ROBO2: variants seen among roughly 807,000 people sequenced by gnomAD.
ROBO2 encodes roundabout homolog 2.
A neutral mutation model predicts 160.8 loss-of-function variants in ROBO2; 53 were observed. The observed-to-expected ratio is 0.33, with a 90% CI of 0.26 to 0.41. ROBO2 has a LOEUF of 0.41. Among genes scored for constraint, ROBO2 ranks in the 10% least tolerant of loss-of-function variants. The pLI is 1.00. For missense variants in ROBO2, 1,577 were observed against 1,722.4 expected (o/e 0.92, Z 1.49); for synonymous variants, 664 against 611.7 (o/e 1.09, Z -1.26).
intron 2 of ROBO2, among the ~76,000 whole-genome samples, chr3:77,189,785 T>C (rs1472781981): frequency 6.6e-6 from 1 of 151,930 alleles, no homozygotes; most frequent in Non-Finnish European, 1.5e-5. Flanking sequence ...TTAATATTTA[T>C]TGAATGCTTT....
At chr3:77,316,693 A>T (rs2064029287) in intron 2 of ROBO2, 6 of 767,724 alleles carry the variant, frequency 7.8e-6, no homozygotes, top group Non-Finnish European at 1.4e-5. Flanking sequence ...AGGTACACTA[A>T]ATTCTGAAGG....
chr3:77,603,451 T>C (rs2094469087), intron 20 of ROBO2, among the ~76,000 whole-genome samples: 1 of 152,294 alleles, frequency 6.6e-6, no homozygotes, highest in East Asian at 1.9e-4. Flanking sequence ...ATATCATTGA[T>C]GTGACCTCCT....
chr3:77,326,134 T>C (rs1387048802), intron 2 of ROBO2, among the ~76,000 whole-genome samples: 1 of 152,220 alleles, frequency 6.6e-6, no homozygotes, highest in Non-Finnish European at 1.5e-5. Flanking sequence ...ATAGCTTTTC[T>C]GGAGTAACCG....
At chr3:76,105,003 A>G (rs1399699566) in intron 2 of ROBO2, among the ~76,000 whole-genome samples, 3 of 152,300 alleles carry the variant, frequency 2.0e-5, no homozygotes, top group East Asian at 3.9e-4. Context: ...TTGATTCTCT[A>G]TGATTTATTT....
At chr3:76,108,566 A>G (rs1576892377) in intron 2 of ROBO2, among the ~76,000 whole-genome samples, 6 of 151,936 alleles carry the variant, frequency 3.9e-5, no homozygotes, top group Admixed American at 3.9e-4. Flanking sequence ...TATACTATGG[A>G]TACTTTTCCC....
At chr3:76,524,252 A>G (rs1429780555) in intron 2 of ROBO2, among the ~76,000 whole-genome samples, 2 of 151,988 alleles carry the variant, frequency 1.3e-5, no homozygotes, top group African/African-American at 4.8e-5. Flanking sequence ...AGTGCACAAA[A>G]TATCCTCTAT....
chr3:76,126,849 G>A (rs915063459), intron 2 of ROBO2, among the ~76,000 whole-genome samples: 1 of 151,994 alleles, frequency 6.6e-6, no homozygotes, highest in Non-Finnish European at 1.5e-5. Flanking sequence ...TTAGTACCTG[G>A]AATGGTTGAA....
chr3:77,640,096 C>CTTTTTTTTTTTTTTTTTT lies in ROBO2; in HGVS notation c.3935-4608_3935-4607insTTTTTTTTTTTTTTTTTT, dbSNP rs1559785171. 1.1e-4 allele frequency among the ~76,000 whole-genome samples: 11 copies of CTTTTTTTTTTTTTTTTTT among 97,472 alleles called. 2 individuals are homozygous for CTTTTTTTTTTTTTTTTTT. The highest frequency in any genetic ancestry group is 1.2e-4 in the Admixed American group (1 of 8,336). The allele number at this position is 97,472 out of a possible 152,430, so 63.9% of individuals were successfully genotyped here. A position where few individuals can be genotyped will look rare whatever the true frequency, so the allele number is the denominator to read the frequency against. Reference sequence around the variant, plus strand: ...GAGAGAAGAAACACTGCAGAGGAAGCATTTTTTTTTTTTTTTTTTTTTTTT... The same window carrying CTTTTTTTTTTTTTTTTTT: ...GAGAGAAGAAACACTGCAGAGGAAGCTTTTTTTTTTTTTTTTTTATTTTTTTTTTTTTTTTTTTTTTTT... On this transcript the variant is annotated intron_variant, in intron 24 of 25. Transcript: ENST00000461745.
intron 2 of ROBO2, among the ~76,000 whole-genome samples, chr3:76,596,181 T>C (rs772989735): frequency 2.6e-5 from 4 of 152,166 alleles, no homozygotes; most frequent in Admixed American, 6.6e-5. Context: ...AAAAAACTTC[T>C]TGCATTGATT....
intron 6 of ROBO2, among the ~76,000 whole-genome samples, chr3:77,540,619 C>T (rs1245252680): frequency 2.6e-5 from 4 of 152,146 alleles, no homozygotes; most frequent in African/African-American, 4.8e-5. Flanking sequence ...AAAGAGCTAA[C>T]GCATGCTGCG....
chr3:77,267,130 A>G (rs756922734), intron 2 of ROBO2, among the ~76,000 whole-genome samples: 7 of 152,204 alleles, frequency 4.6e-5, no homozygotes, highest in African/African-American at 1.7e-4. Context: ...GGATTATTCA[A>G]TGATGTTAAC....
intron 1 of ROBO2, among the ~76,000 whole-genome samples, chr3:75,911,760 G>T (rs1351480781): frequency 6.6e-6 from 1 of 151,584 alleles, no homozygotes; most frequent in Admixed American, 6.6e-5. Flanking sequence ...GTTTCACCGT[G>T]TTAGCCAGGA....
chr3:77,511,289 T>C (rs2089360970), intron 5 of ROBO2, among the ~76,000 whole-genome samples: 1 of 151,894 alleles, frequency 6.6e-6, no homozygotes, highest in Non-Finnish European at 1.5e-5. Context: ...CAGGCTACAC[T>C]GGTTAAAACT....
intron 6 of ROBO2, among the ~76,000 whole-genome samples, chr3:77,526,583 T>A (rs1365917960): frequency 1.3e-5 from 2 of 151,594 alleles, no homozygotes; most frequent in African/African-American, 4.8e-5. Flanking sequence ...AGCGTGTTAT[T>A]CATTTTTAAA....
At chr3:76,030,266 G>A (rs2066875635) in intron 2 of ROBO2, among the ~76,000 whole-genome samples, 1 of 148,438 alleles carries the variant, frequency 6.7e-6, no homozygotes, top group South Asian at 2.4e-4. Flanking sequence ...CTGGAAATTA[G>A]CCCTTTGTCA....
intron 2 of ROBO2, among the ~76,000 whole-genome samples, chr3:77,178,053 TG>T (rs2080328386): frequency 6.6e-6 from 1 of 152,016 alleles, no homozygotes; most frequent in Non-Finnish European, 1.5e-5. Flanking sequence ...CTGAACTTCC[TG>T]GGGAAAGAGC....
intron 2 of ROBO2, among the ~76,000 whole-genome samples, chr3:76,424,813 T>A (rs1355721061): frequency 6.6e-6 from 1 of 152,174 alleles, no homozygotes; most frequent in Admixed American, 6.5e-5. Context: ...ATCCACAGCT[T>A]TTTTATTGCC....
rs570676652 is a variant in ROBO2 at position 77,370,882 on chromosome 3, T to C, written c.389-106532T>C. ...TACCCACAAATCGTAAAATATTTAC[T>C]CTCTAGACTTTTACAGATCTCTGCC... On this transcript the variant is annotated intron_variant, in intron 2 of 25. Coordinates refer to ENST00000461745, the Ensembl canonical transcript of ROBO2. 1.2e-3 allele frequency among the ~76,000 whole-genome samples: 183 copies of C among 152,258 alleles called. 5 individuals are homozygous for C. In the South Asian group the frequency reaches 0.036, roughly 30 times the overall value.
At chr3:76,991,961 G>A (rs150695617) in intron 2 of ROBO2, among the ~76,000 whole-genome samples, 21 of 152,190 alleles carry the variant, frequency 1.4e-4, no homozygotes, top group South Asian at 6.2e-4. Flanking sequence ...GGACACTGTA[G>A]AAATGTAAAG....
Sources: allele counts gnomAD v4.1 joint callset (sites outside exome capture counted in the v4.1 genomes callset), GRCh38; gene constraint gnomAD v4.1.1; transcripts MANE v1.5; gene names NCBI Gene and HGNC (gene_info 2026-07-23, HGNC 2026-07-21).